Variants in BMP5 observed in about 807,000 individuals in gnomAD.
BMP5 encodes the protein bone morphogenetic protein 5.
Under a neutral mutation model 46.6 loss-of-function variants are expected in BMP5, and 23 were observed. The ratio of observed to expected loss-of-function variants is 0.49; its 90% CI spans 0.35 to 0.70. The LOEUF is 0.70. Among genes scored for constraint, BMP5 ranks in the 30% least tolerant of loss-of-function variants. BMP5 has a pLI of 0.00. For missense variants in BMP5, 545 were observed against 565.6 expected (o/e 0.96, Z 0.37); for synonymous variants, 204 against 191.9 (o/e 1.06, Z -0.52).
At chr6:55,802,212 A>G (rs186305453) in intron 2 of BMP5, among the ~76,000 whole-genome samples, 45 of 152,294 alleles carry the variant, frequency 3.0e-4, no homozygotes, top group Non-Finnish European at 4.4e-4. Context: ...CAATGGTACA[A>G]TGCTAACTCT....
chr6:55,835,252 AT>A (rs1174227788), intron 1 of BMP5, among the ~76,000 whole-genome samples: 1 of 152,094 alleles, frequency 6.6e-6, no homozygotes, highest in African/African-American at 2.4e-5. Flanking sequence ...CCTGTCCCCA[AT>A]TTTTCCCACC....
At position 55,760,547 on chromosome 6, in the gene BMP5, C is replaced by A. The variant is rs903163873; in HGVS notation, c.1028-14G>T. 1.9e-6 allele frequency: 3 copies of A among 1,609,874 alleles called. No individual in the cohort carries two copies. The highest frequency in any genetic ancestry group is 8.5e-7 in the Non-Finnish European group (1 of 1,176,580). On this transcript the variant is annotated splice_polypyrimidine_tract_variant and intron_variant, in intron 4 of 6. Coordinates refer to ENST00000370830, the MANE Select transcript of BMP5 (RefSeq NM_021073.4). ...TTGTGTTATAATCTGAAGATAAAAA[C>A]CACATTTTGAATAAATGGTTGCTTA... is the stretch of plus-strand genomic sequence containing the variant.
intron 3 of BMP5, among the ~76,000 whole-genome samples, chr6:55,786,967 T>C (rs1775465654): frequency 6.6e-6 from 1 of 151,710 alleles, no homozygotes. Flanking sequence ...GATCCTCAGA[T>C]AAGTGGACAT....
intron 1 of BMP5, among the ~76,000 whole-genome samples, chr6:55,832,970 T>C (rs998411149): frequency 1.3e-5 from 2 of 151,782 alleles, no homozygotes; most frequent in South Asian, 2.1e-4. Flanking sequence ...AAAAAAATTA[T>C]TGGGGAATGG....
intron 3 of BMP5, 55 bp from the exon 4 acceptor site, chr6:55,774,298 A>T (rs1411391955): frequency 1.3e-6 from 2 of 1,516,074 alleles, no homozygotes; most frequent in Admixed American, 3.4e-5. Context: ...CAATTACCTG[A>T]TGTGAATGAA....
rs965209570 is a variant in BMP5, at chr6:55,773,981, G to A, written c.1027+68C>T. On this transcript the variant is annotated intron_variant, in intron 4 of 6. Transcript: ENST00000370830. ...ATACATAGAGGGTAAATTTATTGTG[G>A]CTACTTGATTTGCAGCATACGACCC... 6.4e-5 allele frequency: 98 copies of A among 1,530,354 alleles called. 1 individual carries two copies. The Middle Eastern group carries it at 1.4e-3, about 21-fold the overall frequency. The allele number at this position is 1,530,354 out of a possible 1,614,324, so 94.8% of individuals were successfully genotyped here.
chr6:55,780,267 T>A (rs1019266673), intron 3 of BMP5, among the ~76,000 whole-genome samples: 5 of 151,398 alleles, frequency 3.3e-5, no homozygotes, highest in Non-Finnish European at 7.4e-5. Flanking sequence ...GGGCTATTAT[T>A]AGTAGCAGTA....
chr6:55,857,486 C>G (rs1303737657), intron 1 of BMP5, among the ~76,000 whole-genome samples: 1 of 152,106 alleles, frequency 6.6e-6, no homozygotes, highest in Non-Finnish European at 1.5e-5. Context: ...CTAAAGAGAT[C>G]AAGGTGCCAA....
At chr6:55,869,280 T>C (rs1228124603) in intron 1 of BMP5, among the ~76,000 whole-genome samples, 1 of 152,162 alleles carries the variant, frequency 6.6e-6, no homozygotes, top group Non-Finnish European at 1.5e-5. Context: ...CTGTTTGGTA[T>C]GAGGTAGACT....
intron 3 of BMP5, among the ~76,000 whole-genome samples, chr6:55,782,641 A>C (rs1205453896): frequency 6.6e-6 from 1 of 152,156 alleles, no homozygotes; most frequent in Non-Finnish European, 1.5e-5. Flanking sequence ...GTTACTTCAG[A>C]GAAAAATAAC....
chr6:55,811,925 G>T lies in BMP5; in HGVS notation c.683+7730C>A, dbSNP rs1776146078. Among the ~76,000 whole-genome samples, 3 of 152,186 alleles carry T rather than the reference G, an allele frequency of 2.0e-5. No homozygotes were observed. In the South Asian group the frequency reaches 6.2e-4, roughly 32 times the overall value. On this transcript the variant is annotated intron_variant, in intron 2 of 6. Transcript: ENST00000370830. ...AGCACATTGTATTATAGTTATTAAA[G>T]TCTGTGTGTGGCAGCCCCACCACAG...
chr6:55,816,812 CGT>C lies in BMP5; in HGVS notation c.683+2841_683+2842del, dbSNP rs147669437. Among the ~76,000 whole-genome samples the C allele has an allele frequency of 6.7e-3, 992 of 147,788 alleles. 9 individuals carry two copies. The highest frequency in any genetic ancestry group is 0.021 in the African/African-American group (849 of 40,610). ...AGAATTGAGAGGGCATGTGCACGTA[CGT>C]GTGTGTGTGTGTGTGTGTGTTGTCA... On this transcript the variant is annotated intron_variant, in intron 2 of 6. Transcript: ENST00000370830.
chr6:55,868,674 A>G (rs1777708343), intron 1 of BMP5, among the ~76,000 whole-genome samples: 1 of 152,166 alleles, frequency 6.6e-6, no homozygotes, highest in Non-Finnish European at 1.5e-5. Flanking sequence ...AGACTCATAC[A>G]AACTAGGTGT....
chr6:55,799,690 A>G (rs149407519), intron 2 of BMP5, among the ~76,000 whole-genome samples: 52 of 152,280 alleles, frequency 3.4e-4, no homozygotes, highest in Non-Finnish European at 5.4e-4. Flanking sequence ...TTATGTTATC[A>G]TACTTCAATT....
At chr6:55,816,731 T>C (rs958298332) in intron 2 of BMP5, among the ~76,000 whole-genome samples, 4 of 152,126 alleles carry the variant, frequency 2.6e-5, no homozygotes, top group South Asian at 2.1e-4. Context: ...TATTAATAAG[T>C]ACTACACACC....
chr6:55,792,669 T>C (rs1283286464), intron 3 of BMP5, among the ~76,000 whole-genome samples: 1 of 152,156 alleles, frequency 6.6e-6, no homozygotes, highest in Non-Finnish European at 1.5e-5. Flanking sequence ...AATGGTATTA[T>C]CCATAGGCTA....
At chr6:55,825,365 G>T (rs1475960740) in intron 1 of BMP5, among the ~76,000 whole-genome samples, 4 of 151,672 alleles carry the variant, frequency 2.6e-5, no homozygotes, top group Non-Finnish European at 4.4e-5. Context: ...TTATATTTTG[G>T]TTTAAAAAGT....
At chr6:55,805,119 G>A (rs565363466) in intron 2 of BMP5, among the ~76,000 whole-genome samples, 11 of 152,258 alleles carry the variant, frequency 7.2e-5, no homozygotes, top group African/African-American at 2.6e-4. Context: ...CTTTTATCAA[G>A]AGTACTATAT....
chr6:55,808,179 G>T (rs1445780441), intron 2 of BMP5, among the ~76,000 whole-genome samples: 2 of 152,182 alleles, frequency 1.3e-5, no homozygotes, highest in East Asian at 3.9e-4. Context: ...CACCTGGTTG[G>T]AGTTTTAGAA....
Sources: gnomAD v4.1 joint callset for allele counts (sites outside exome capture counted in the v4.1 genomes callset) on GRCh38, gnomAD v4.1.1 for gene constraint, MANE v1.5 for transcripts, NCBI Gene and HGNC (gene_info 2026-07-23, HGNC 2026-07-21) for gene names.